Variants in ZDHHC15 observed in about 807,000 individuals in gnomAD.
ZDHHC15 encodes the protein palmitoyltransferase ZDHHC15.
A neutral mutation model predicts 31.7 loss-of-function variants in ZDHHC15; 19 were observed. That is an observed-to-expected ratio of 0.60 (90% confidence interval 0.42 to 0.88). ZDHHC15 has a LOEUF of 0.88. ZDHHC15 is among the 40% of genes least tolerant of loss of function. The pLI is 0.00. For missense variants in ZDHHC15, 209 were observed against 251.2 expected (o/e 0.83, Z 1.14); for synonymous variants, 103 against 90.0 (o/e 1.14, Z -0.82).
intron 2 of ZDHHC15, among the ~76,000 whole-genome samples, chrX:75,496,014 G>T (rs915081541): frequency 1.8e-5 from 2 of 109,671 alleles, no homozygotes; most frequent in Admixed American, 9.8e-5. Flanking sequence ...CAATACTAAA[G>T]TTGAATATAA....
chrX:75,403,245 C>T (rs900861196), intron 10 of ZDHHC15, among the ~76,000 whole-genome samples: 2 of 111,448 alleles, frequency 1.8e-5, no homozygotes, highest in African/African-American at 3.3e-5. Context: ...TAATAAGAGC[C>T]ATCTATGACA....
chrX:75,504,728 A>C (rs1290479493), intron 2 of ZDHHC15, among the ~76,000 whole-genome samples: 2 of 111,318 alleles, frequency 1.8e-5, no homozygotes, highest in Non-Finnish European at 3.8e-5. Flanking sequence ...TATTGTGGAA[A>C]ATATTTATAT....
At chrX:75,397,246 G>A (rs761376639) in intron 10 of ZDHHC15, among the ~76,000 whole-genome samples, 5 of 109,141 alleles carry the variant, frequency 4.6e-5, no homozygotes, top group East Asian at 2.9e-4. Context: ...AGAATCACTC[G>A]AACCCAGGAG....
At chrX:75,494,948 TA>T (rs1214929072) in intron 2 of ZDHHC15, among the ~76,000 whole-genome samples, 2 of 111,813 alleles carry the variant, frequency 1.8e-5, no homozygotes, top group Non-Finnish European at 3.8e-5. Context: ...CTAATTCAAC[TA>T]AAGATCTTCT....
intron 9 of ZDHHC15, among the ~76,000 whole-genome samples, chrX:75,420,169 T>G (rs1048320284): frequency 1.4e-4 from 16 of 110,487 alleles, no homozygotes; most frequent in Non-Finnish European, 2.7e-4. Flanking sequence ...CTTCCCAAAA[T>G]AAGACATTTA....
intron 4 of ZDHHC15, 182 bp downstream of exon 4, chrX:75,450,620 T>A (rs1052530802): frequency 1.9e-5 from 18 of 962,922 alleles, no homozygotes; most frequent in Non-Finnish European, 2.2e-5. Flanking sequence ...TTGTTTACTA[T>A]ACAATTCTTC....
chrX:75,440,865 T>C (rs1363455336), intron 4 of ZDHHC15, among the ~76,000 whole-genome samples: 2 of 111,200 alleles, frequency 1.8e-5, no homozygotes, highest in South Asian at 3.8e-4. Context: ...CTGTGGGAAA[T>C]AGGGGTGTTG....
chrX:75,414,931 A>ATT (rs375625108), intron 10 of ZDHHC15, among the ~76,000 whole-genome samples: 3 of 95,164 alleles, frequency 3.2e-5, no homozygotes, highest in East Asian at 6.6e-4. Context: ...ATACCTGGCT[A>ATT]TTTTTTTTTT....
chrX:75,393,190 A>G (rs1165547133), intron 10 of ZDHHC15, among the ~76,000 whole-genome samples: 1 of 111,355 alleles, frequency 9.0e-6, no homozygotes, highest in Non-Finnish European at 1.9e-5. Context: ...CTCCATTCTT[A>G]GCCTGTTGAC....
chrX:75,392,709 G>A (rs2083259525), intron 10 of ZDHHC15, among the ~76,000 whole-genome samples: 1 of 112,134 alleles, frequency 8.9e-6, no homozygotes, highest in African/African-American at 3.2e-5. Flanking sequence ...TAAATCTTAT[G>A]TCACATGATA....
At chrX:75,421,802 T>TG in intron 9 of ZDHHC15, 62 bp downstream of exon 9, 1 of 1,154,172 alleles carries the variant, frequency 8.7e-7, no homozygotes, top group Non-Finnish European at 1.2e-6. Flanking sequence ...CAATCAAAAT[T>TG]GAATTTGCTG....
Position 75,373,926 on chromosome X carries a change from G to GTTTTTTTTTTTTTTTTTTTTTTTTTTTTT in ZDHHC15, c.*33-982_*33-981insAAAAAAAAAAAAAAAAAAAAAAAAAAAAA, listed in dbSNP as rs35704680. On this transcript the variant is annotated intron_variant, in intron 11 of 11. Coordinates refer to ENST00000373367, the MANE Select transcript of ZDHHC15 (RefSeq NM_144969.3). ...ATACTAGGTCTTATTCATTCTTTCT[G>GTTTTTTTTTTTTTTTTTTTTTTTTTTTTT]TTTTTTTTTTTTTTTTTTTTTTGTA... 1.6e-4 allele frequency among the ~76,000 whole-genome samples: 8 copies of GTTTTTTTTTTTTTTTTTTTTTTTTTTTTT among 50,456 alleles called. 2 individuals are homozygous for GTTTTTTTTTTTTTTTTTTTTTTTTTTTTT. The highest frequency in any genetic ancestry group is 2.0e-4 in the Non-Finnish European group (6 of 29,383). The allele number at this position is 50,456 out of a possible 115,157, so 43.8% of individuals were successfully genotyped here.
intron 10 of ZDHHC15, among the ~76,000 whole-genome samples, chrX:75,407,127 T>A (rs2083420997): frequency 9.0e-6 from 1 of 111,430 alleles, no homozygotes; most frequent in Non-Finnish European, 1.9e-5. Flanking sequence ...GTGAGGAGCG[T>A]CTCTGCCCGG....
chrX:75,405,579 T>C (rs2083402811), intron 10 of ZDHHC15, among the ~76,000 whole-genome samples: 1 of 111,624 alleles, frequency 9.0e-6, no homozygotes, highest in Non-Finnish European at 1.9e-5. Context: ...AGAAGGTCAC[T>C]ATATAATGAT....
chrX:75,497,933 CTT>C (rs1229705652), intron 2 of ZDHHC15, among the ~76,000 whole-genome samples: 1 of 87,803 alleles, frequency 1.1e-5, no homozygotes. Flanking sequence ...AGGATGCCCA[CTT>C]TTTTTTTTTT....
chrX:75,516,457 T>G (rs140413368), intron 1 of ZDHHC15, among the ~76,000 whole-genome samples: 1 of 112,133 alleles, frequency 8.9e-6, no homozygotes, highest in Non-Finnish European at 1.9e-5. Context: ...CTGCTCTTTG[T>G]CAAACCTGAC....
chrX:75,455,946 G>C (rs1180058166), intron 3 of ZDHHC15, among the ~76,000 whole-genome samples: 6 of 111,242 alleles, frequency 5.4e-5, no homozygotes, highest in Non-Finnish European at 1.1e-4. Context: ...ACAGTGTAGC[G>C]ATTCCTCAAG....
Position 75,505,851 on chromosome X carries a change from T to C in ZDHHC15, c.137-4A>G. The C allele has an allele frequency of 8.3e-7, 1 of 1,203,579 alleles. No homozygotes were observed. Among genetic ancestry groups the C allele is most frequent in the Non-Finnish European group, 1.1e-6 (1 of 888,596 alleles). ...TCTGCTGGGCTCAAAACAGTCACTG[T>C]GAAGAGACAGGAGAAAGAGAGACAG... On this transcript the variant is annotated splice_region_variant and splice_polypyrimidine_tract_variant and intron_variant, in intron 1 of 11. Coordinates refer to ENST00000373367, the MANE Select transcript of ZDHHC15 (RefSeq NM_144969.3).
At chrX:75,396,580 G>A (rs1200745231) in intron 10 of ZDHHC15, among the ~76,000 whole-genome samples, 2 of 111,731 alleles carry the variant, frequency 1.8e-5, no homozygotes, top group Admixed American at 1.9e-4. Context: ...GTATAGTTTG[G>A]CATTTCCTCA....
Sources: allele counts gnomAD v4.1 joint callset (sites outside exome capture counted in the v4.1 genomes callset), GRCh38; gene constraint gnomAD v4.1.1; transcripts MANE v1.5; gene names NCBI Gene and HGNC (gene_info 2026-07-23, HGNC 2026-07-21).